Variants in CFH observed in about 807,000 individuals in gnomAD.
CFH encodes the protein complement factor H.
CFH carries 53 observed loss-of-function variants against 147.3 expected under a neutral mutation model. The ratio of observed to expected loss-of-function variants is 0.36; its 90% CI spans 0.29 to 0.45. The LOEUF is 0.45. Ranked by LOEUF, CFH falls within the 20% of genes least tolerant of loss-of-function variation. The pLI is 1.00. For missense variants in CFH, 1,380 were observed against 1,498.0 expected (o/e 0.92, Z 1.30); for synonymous variants, 536 against 489.4 (o/e 1.10, Z -1.26).
intron 9 of CFH, among the ~76,000 whole-genome samples, chr1:196,690,817 G>C (rs186605650): frequency 1.3e-5 from 2 of 152,042 alleles, no homozygotes; most frequent in Admixed American, 1.3e-4. Flanking sequence ...GAAGCTGGCC[G>C]CCCCACCCTA....
intron 5 of CFH, 62 bp from the exon 6 acceptor site, chr1:196,679,561 T>C (rs1316096440): frequency 8.1e-7 from 1 of 1,241,122 alleles, no homozygotes. Flanking sequence ...CATATAATTA[T>C]GTCCTGGTCA....
intron 17 of CFH, 149 bp from the exon 18 acceptor site, chr1:196,740,470 A>G: frequency 2.6e-6 from 2 of 754,956 alleles, no homozygotes; most frequent in East Asian, 5.4e-5. Context: ...CCAGAAGGCT[A>G]GTTTTAGGAA....
At chr1:196,692,219 C>G (rs1668051020) in intron 9 of CFH, among the ~76,000 whole-genome samples, 1 of 151,996 alleles carries the variant, frequency 6.6e-6, no homozygotes, top group Non-Finnish European at 1.5e-5. Flanking sequence ...AACCTCCACT[C>G]CCTGAATTTT....
intron 1 of CFH, among the ~76,000 whole-genome samples, chr1:196,666,654 A>C (rs946863466): frequency 1.6e-4 from 24 of 151,150 alleles, no homozygotes; most frequent in East Asian, 5.8e-4. Context: ...AGAAAAAAAA[A>C]CCCAAAAAAT....
intron 9 of CFH, among the ~76,000 whole-genome samples, chr1:196,711,989 T>C (rs1668733778): frequency 6.6e-6 from 1 of 152,102 alleles, no homozygotes; most frequent in Non-Finnish European, 1.5e-5. Context: ...CTCATCTTCT[T>C]TGGGAACACT....
At chr1:196,732,416 T>C (rs888853040) in intron 15 of CFH, among the ~76,000 whole-genome samples, 5 of 152,114 alleles carry the variant, frequency 3.3e-5, no homozygotes, top group Non-Finnish European at 7.4e-5. Context: ...AGTGAGTATC[T>C]TTATGACCAT....
At chr1:196,691,093 T>C (rs566978091) in intron 9 of CFH, among the ~76,000 whole-genome samples, 7 of 152,104 alleles carry the variant, frequency 4.6e-5, no homozygotes, top group Non-Finnish European at 7.4e-5. Context: ...AGGAAAAACC[T>C]TATCAAGGAC....
intron 11 of CFH, among the ~76,000 whole-genome samples, chr1:196,721,370 T>C (rs1329566540): frequency 6.6e-6 from 1 of 152,034 alleles, no homozygotes; most frequent in Non-Finnish European, 1.5e-5. Flanking sequence ...GAAAATTCTT[T>C]ATGATATTGA....
At chr1:196,742,929 C>A (rs1652862169) in intron 19 of CFH, among the ~76,000 whole-genome samples, 1 of 152,160 alleles carries the variant, frequency 6.6e-6, no homozygotes, top group South Asian at 2.1e-4. Flanking sequence ...ATTAACCATT[C>A]TTCCTCCTTT....
intron 3 of CFH, 52 bp from the exon 4 acceptor site, chr1:196,675,937 A>T: frequency 8.4e-7 from 1 of 1,193,608 alleles, no homozygotes; most frequent in Non-Finnish European, 1.3e-6. Context: ...CGAGTTTAAA[A>T]CTGCATGTAA....
At chr1:196,677,834 T>C in intron 5 of CFH, 167 bp downstream of exon 5, 3 of 646,120 alleles carry the variant, frequency 4.6e-6, no homozygotes, top group Non-Finnish European at 8.1e-6. Flanking sequence ...CATCATTTCA[T>C]TTTAACTTTC....
At chr1:196,743,414 G>T (rs539279880) in intron 19 of CFH, 38 bp from the exon 20 acceptor site, 5 of 1,612,682 alleles carry the variant, frequency 3.1e-6, no homozygotes, top group East Asian at 4.5e-5. Context: ...TACTCAAAAT[G>T]AACACTAGGT....
intron 15 of CFH, among the ~76,000 whole-genome samples, chr1:196,736,104 C>T (rs1039535624): frequency 5.9e-5 from 9 of 151,944 alleles, no homozygotes; most frequent in African/African-American, 2.2e-4. Context: ...TCTGATGTAT[C>T]GCAGTTTAAC....
chr1:196,746,948 C>T lies in CFH; in HGVS notation c.3494-163C>T, dbSNP rs409319. ...CCTCATTTTCACATCGATTACCATT[C>T]TAAGTTTATTCAAATCAATATGATG... On this transcript the variant is annotated intron_variant, in intron 21 of 21. Coordinates refer to ENST00000367429, the MANE Select transcript of CFH (RefSeq NM_000186.4). Among the ~76,000 whole-genome samples the T allele has an allele frequency of 2.6e-5, 4 of 152,086 alleles. No homozygotes were observed. In the East Asian group the frequency reaches 5.8e-4, roughly 22 times the overall value.
At chr1:196,698,101 A>G (rs929803120) in intron 9 of CFH, among the ~76,000 whole-genome samples, 5 of 152,116 alleles carry the variant, frequency 3.3e-5, no homozygotes, top group Middle Eastern at 3.4e-3. Flanking sequence ...ACATGTATAC[A>G]TATGTAACTA....
At chr1:196,675,478 A>T (rs1667423151) in intron 3 of CFH, among the ~76,000 whole-genome samples, 1 of 152,114 alleles carries the variant, frequency 6.6e-6, no homozygotes, top group Non-Finnish European at 1.5e-5. Flanking sequence ...AAAATATCAG[A>T]ATCATGGAGG....
At chr1:196,684,766 T>A (rs1279197812) in intron 6 of CFH, among the ~76,000 whole-genome samples, 1 of 151,920 alleles carries the variant, frequency 6.6e-6, no homozygotes, top group Admixed American at 6.6e-5. Context: ...AAAGTGAAAG[T>A]AAGAATTGAA....
At position 196,689,589 on chromosome 1, in the gene CFH, A is replaced by T. The variant is rs1214422476; in HGVS notation, c.1134A>T (p.Gly378=). ...YWDHIHCTQD[G]WSPAVPCLRK... is the part of the protein sequence containing the mutation. The stretch of plus-strand genomic sequence containing the variant: ...ATCACATTCATTGCACACAAGATGG[A>T]TGGTCGCCAGCAGTACCATGCCTCA... The change falls in exon 8 of 22, where the codon GGA becomes GGT. Residue 378 remains glycine (G), a synonymous_variant. Coordinates refer to ENST00000367429, the MANE Select transcript of CFH (RefSeq NM_000186.4). 3.7e-6 allele frequency: 6 copies of T among 1,613,370 alleles called. No individual in the cohort carries two copies. In the East Asian group the frequency reaches 1.3e-4, roughly 36 times the overall value.
intron 1 of CFH, among the ~76,000 whole-genome samples, chr1:196,659,179 G>A (rs1666823485): frequency 6.6e-6 from 1 of 152,062 alleles, no homozygotes; most frequent in Non-Finnish European, 1.5e-5. Flanking sequence ...TTGACTACTT[G>A]GGCCAAAATA....
Sources: gnomAD v4.1 joint callset for allele counts (sites outside exome capture counted in the v4.1 genomes callset) on GRCh38, gnomAD v4.1.1 for gene constraint, MANE v1.5 for transcripts, NCBI Gene and HGNC (gene_info 2026-07-23, HGNC 2026-07-21) for gene names.